DLGAP5: variants seen among roughly 807,000 people sequenced by gnomAD.
The protein encoded by DLGAP5 is disks large-associated protein 5.
In DLGAP5, 90 loss-of-function variants were observed where a neutral mutation model predicts 99.6. That is an observed-to-expected ratio of 0.90 (90% CI 0.76 to 1.08). The LOEUF (loss-of-function observed/expected upper bound fraction) is 1.08. DLGAP5 is among the 50% of genes least tolerant of loss of function. The pLI, the probability that DLGAP5 is intolerant of heterozygous loss-of-function variation, is 0.00. For missense variants in DLGAP5, 1,036 were observed against 983.5 expected, an observed-to-expected ratio of 1.05 and a Z score of -0.71; for synonymous variants, 311 against 321.3, an observed-to-expected ratio of 0.97 and a Z score of 0.34.
At chr14:55,168,159 C>T (rs116100331) in intron 12 of DLGAP5, among the ~76,000 whole-genome samples, 3,045 of 152,218 alleles carry the variant, frequency 0.02, 82 homozygotes, top group African/African-American at 0.069. Flanking sequence ...CACTATGTTG[C>T]GCAGGCTGGT....
Position 55,164,268 on chromosome 14 carries a change from C to T in DLGAP5, c.1549-1193G>A, listed in dbSNP as rs553176465. On this transcript the variant is annotated intron_variant, in intron 12 of 18. Coordinates refer to ENST00000247191, the MANE Select transcript of DLGAP5 (RefSeq NM_014750.5). The stretch of plus-strand genomic sequence containing the variant: ...GGGGGATTGCTTGAACCGAGAAGGT[C>T]GAGACTAGCCTGGGCAACAAGGCAA... 5.3e-5 allele frequency among the ~76,000 whole-genome samples: 8 copies of T among 151,194 alleles called. No individual in the cohort carries two copies. The South Asian group carries it at 6.3e-4, about 12-fold the overall frequency.
intron 13 of DLGAP5, 95 bp from the exon 14 acceptor site, chr14:55,158,836 T>G (rs1272675318): frequency 1.2e-6 from 1 of 849,878 alleles, no homozygotes; most frequent in Non-Finnish European, 1.8e-6. Flanking sequence ...AATTTAATTT[T>G]TAAAAATAAA....
chr14:55,189,765 C>T (rs891930552), intron 1 of DLGAP5, among the ~76,000 whole-genome samples: 2 of 152,124 alleles, frequency 1.3e-5, no homozygotes, highest in Admixed American at 6.5e-5. Flanking sequence ...ATGTATTCAC[C>T]TAAGAAGCTC....
In DLGAP5 at chr14:55,154,848, T is replaced by C. The variant is rs758148959; in HGVS notation, c.1874-42A>G. Reference sequence around the variant, plus strand: ...ATCACCTCAATACCAAATAGTTCTTTTGCTTTTCATTATAACTAGGAATAC... The same window carrying C: ...ATCACCTCAATACCAAATAGTTCTTCTGCTTTTCATTATAACTAGGAATAC... On this transcript the variant is annotated intron_variant, in intron 14 of 18. Transcript: ENST00000247191. 3 of 1,537,276 alleles carry C rather than the reference T, an allele frequency of 2.0e-6. No individual in the cohort carries two copies. The South Asian group carries it at 3.4e-5, about 18-fold the overall frequency.
intron 1 of DLGAP5, among the ~76,000 whole-genome samples, chr14:55,190,289 T>TACACACACACACACACACACAC (rs142940996): frequency 2.7e-5 from 4 of 147,416 alleles, no homozygotes; most frequent in South Asian, 2.2e-4. Context: ...AGAAAAGCCA[T>TACACACACACACACACACACAC]ACACACACAC....
In DLGAP5 at chr14:55,183,689, C is replaced by T; in HGVS notation, c.303G>A (p.Lys101=). The change falls in exon 3 of 19, where the codon AAG becomes AAA. Residue 101 remains lysine, a synonymous_variant. Coordinates refer to ENST00000247191, the MANE Select transcript of DLGAP5 (RefSeq NM_014750.5). ...TCTGCTCTTTCAATTTTTGAAGTTGCTTTTCTTCTTTGTATTTTTGGAGCA... is the reference window on the plus strand; with the variant it reads ...TCTGCTCTTTCAATTTTTGAAGTTGTTTTTCTTCTTTGTATTTTTGGAGCA... ...KQMLQKYKEE[K]QLQKLKEQRE... is the part of the protein sequence containing the mutation. 1 of 1,611,042 alleles carries T rather than the reference C, an allele frequency of 6.2e-7. No individual in the cohort carries two copies. Among genetic ancestry groups the T allele is most frequent in the Non-Finnish European group, 8.5e-7 (1 of 1,178,938 alleles).
At chr14:55,166,744 A>T (rs1198153245) in intron 12 of DLGAP5, among the ~76,000 whole-genome samples, 1 of 152,002 alleles carries the variant, frequency 6.6e-6, no homozygotes, top group African/African-American at 2.4e-5. Flanking sequence ...AAAAAAATAC[A>T]TATATATATT....
chr14:55,166,037 C>T (rs1283582294), intron 12 of DLGAP5, among the ~76,000 whole-genome samples: 1 of 152,148 alleles, frequency 6.6e-6, no homozygotes, highest in African/African-American at 2.4e-5. Context: ...ATATGACCTA[C>T]CAATATCTAG....
intron 13 of DLGAP5, among the ~76,000 whole-genome samples, chr14:55,160,362 T>C (rs1218719691): frequency 5.3e-5 from 8 of 150,198 alleles, no homozygotes; most frequent in Admixed American, 1.3e-4. Context: ...GCCACTGTAC[T>C]CCAGCCTGGG....
intron 2 of DLGAP5, among the ~76,000 whole-genome samples, chr14:55,184,111 C>T (rs757242084): frequency 1.7e-4 from 26 of 151,902 alleles, no homozygotes; most frequent in Non-Finnish European, 3.7e-4. Flanking sequence ...CAAGATTGCG[C>T]CCCTGCACTC....
At chr14:55,164,929 A>AG (rs1882586000) in intron 12 of DLGAP5, among the ~76,000 whole-genome samples, 7 of 127,996 alleles carry the variant, frequency 5.5e-5, no homozygotes, top group Non-Finnish European at 1.1e-4. Flanking sequence ...CTCAAAAAAA[A>AG]AAAAAAAAGA....
intron 13 of DLGAP5, among the ~76,000 whole-genome samples, chr14:55,162,476 G>C (rs561421394): frequency 6.6e-6 from 1 of 152,004 alleles, no homozygotes. Flanking sequence ...AAAATTAGCC[G>C]GGTGTGGTGG....
intron 10 of DLGAP5, among the ~76,000 whole-genome samples, chr14:55,172,980 T>TAAA (rs1245960214): frequency 3.3e-5 from 1 of 29,892 alleles, no homozygotes; most frequent in African/African-American, 1.6e-4. Flanking sequence ...AGACTCCGTC[T>TAAA]CAAAAAAAAA....
intron 15 of DLGAP5, among the ~76,000 whole-genome samples, chr14:55,152,913 A>G (rs1882068826): frequency 6.6e-6 from 1 of 152,230 alleles, no homozygotes; most frequent in Admixed American, 6.5e-5. Flanking sequence ...TCTACCAGCA[A>G]TACTCTGAAT....
At chr14:55,149,604 T>C (rs1881939148) in intron 18 of DLGAP5, among the ~76,000 whole-genome samples, 1 of 152,204 alleles carries the variant, frequency 6.6e-6, no homozygotes, top group Admixed American at 6.5e-5. Flanking sequence ...ATTCTGAGAT[T>C]AAAGAAGAAT....
At chr14:55,150,095 C>T (rs1881965290) in intron 18 of DLGAP5, among the ~76,000 whole-genome samples, 2 of 150,926 alleles carry the variant, frequency 1.3e-5, no homozygotes, top group Admixed American at 6.6e-5. Flanking sequence ...GAAACCAATG[C>T]TATATATATA....
chr14:55,181,691 T>C (rs1883282459), intron 4 of DLGAP5, among the ~76,000 whole-genome samples: 1 of 152,180 alleles, frequency 6.6e-6, no homozygotes, highest in South Asian at 2.1e-4. Flanking sequence ...ATGACTTCAC[T>C]CAAAAGGCTT....
intron 2 of DLGAP5, 122 bp downstream of exon 2, chr14:55,188,820 A>C: frequency 1.5e-6 from 1 of 660,864 alleles, no homozygotes; most frequent in South Asian, 2.1e-5. Flanking sequence ...ACCAAAAAGG[A>C]AAGTTATTTA....
At position 55,149,815 on chromosome 14, in the gene DLGAP5, C is replaced by CA. The variant is rs1367235937; in HGVS notation, c.2418+983_2418+984insT. On this transcript the variant is annotated intron_variant, in intron 18 of 18. Coordinates refer to ENST00000247191, the MANE Select transcript of DLGAP5 (RefSeq NM_014750.5). The stretch of plus-strand genomic sequence containing the variant: ...AATCCCAGCACTTTGAGAATCGGGG[C>CA]GGGGGGGGGGCATCACCTGAGGTCA... Among the ~76,000 whole-genome samples, 265 of 132,038 alleles carry CA rather than the reference C, an allele frequency of 2.0e-3. 4 individuals are homozygous for CA. The highest frequency in any genetic ancestry group is 4.6e-3 in the Admixed American group (53 of 11,636). The allele number at this position is 132,038 out of a possible 152,430, so 86.6% of individuals were successfully genotyped here.
Sources: gnomAD v4.1 joint callset for allele counts (sites outside exome capture counted in the v4.1 genomes callset) on GRCh38, gnomAD v4.1.1 for gene constraint, MANE v1.5 for transcripts, NCBI Gene and HGNC (gene_info 2026-07-23, HGNC 2026-07-21) for gene names.